Variants in RNF41 observed in about 807,000 individuals in gnomAD.
RNF41 encodes ring finger protein 41, also known as E3 ubiquitin-protein ligase NRDP1.
In RNF41, 4 loss-of-function variants were observed where a neutral mutation model predicts 33.0. The observed-to-expected ratio is 0.12, with a 90% CI of 0.06 to 0.28. RNF41 has a LOEUF of 0.28. Among genes scored for constraint, RNF41 ranks in the 10% least tolerant of loss-of-function variants. RNF41 has a pLI of 1.00. For missense variants in RNF41, 228 were observed against 432.6 expected (o/e 0.53, Z 4.19); for synonymous variants, 164 against 153.2 (o/e 1.07, Z -0.52).
At chr12:56,214,520 TAAA>T (rs35169878) in intron 2 of RNF41, among the ~76,000 whole-genome samples, 12 of 132,420 alleles carry the variant, frequency 9.1e-5, no homozygotes, top group Non-Finnish European at 7.9e-5. Context: ...CCTCAGTCTC[TAAA>T]AAAAAAAAAA....
chr12:56,213,056 G>A, intron 3 of RNF41: 2 of 1,289,668 alleles, frequency 1.6e-6, no homozygotes, highest in Non-Finnish European at 2.0e-6. Context: ...CTCTGGTCTG[G>A]CAAGGCTGGC....
At position 56,208,276 on chromosome 12, in the gene RNF41, G is replaced by A. The variant is rs776849265; in HGVS notation, c.385C>T (p.Leu129=). 6.2e-7 allele frequency: 1 copy of A among 1,614,166 alleles called. No individual in the cohort carries two copies. The highest frequency in any genetic ancestry group is 1.1e-5 in the South Asian group (1 of 91,082). The change falls in exon 5 of 7, where the codon CTG becomes TTG. Residue 129 remains leucine, a synonymous_variant. Transcript: ENST00000345093. The part of the protein sequence containing the change: ...GCGLEMPKDE[L]PNHNCIKHLR... ...TGCTTAATGCAGTTATGGTTGGGCA[G>A]CTCATCTTTGGGCATCTCCAGGCTG...
chr12:56,220,018 A>AAAATAAATAAATAAAT (rs60851148), intron 1 of RNF41, among the ~76,000 whole-genome samples: 3 of 139,298 alleles, frequency 2.2e-5, no homozygotes, highest in Non-Finnish European at 4.6e-5. Context: ...CCCTGTCTCA[A>AAAATAAATAAATAAAT]AAATAAATAA....
chr12:56,220,960 C>T (rs1212019488), intron 1 of RNF41, among the ~76,000 whole-genome samples: 1 of 152,136 alleles, frequency 6.6e-6, no homozygotes, highest in Non-Finnish European at 1.5e-5. Context: ...TTGTCAGACT[C>T]TAAAACCCCT....
Position 56,202,821 on chromosome 12 carries a change from G to C in RNF41, c.*3626C>G, listed in dbSNP as rs1468470083. 1 of 152,092 alleles carries C rather than the reference G, an allele frequency of 6.6e-6. No homozygotes were observed. Among genetic ancestry groups the C allele is most frequent in the African/African-American group, 2.4e-5 (1 of 41,420 alleles). 9.4% of individuals were successfully genotyped at this position (152,092 alleles called of 1,614,324 possible). ...GTATCTCACAGGGCAGACATTCAAT[G>C]AATATTTGTTTCTAAAAATCGTATC... On this transcript the variant is annotated 3_prime_UTR_variant, in exon 7 of 7. Transcript: ENST00000345093.
Position 56,208,001 on chromosome 12 carries a change from G to C in RNF41, c.498+162C>G. The C allele has an allele frequency of 5.9e-6, 5 of 853,112 alleles. No individual in the cohort carries two copies. The South Asian group carries it at 7.9e-5, about 14-fold the overall frequency. 52.8% of individuals were successfully genotyped at this position (853,112 alleles called of 1,614,324 possible). ...ATGGGATGAAGAAAAGTCAAGGAGA[G>C]CTCCAATCTGATTCCCTGCTAAGCC... On this transcript the variant is annotated intron_variant, in intron 5 of 6. Coordinates refer to ENST00000345093, the MANE Select transcript of RNF41 (RefSeq NM_005785.4).
chr12:56,207,052 A>T, intron 6 of RNF41: 1 of 1,277,098 alleles, frequency 7.8e-7, no homozygotes, highest in Non-Finnish European at 1.0e-6. Flanking sequence ...TCCAATACTT[A>T]GCACATATAG....
Position 56,206,444 on chromosome 12 carries a change from C to A in RNF41, c.*3G>T. 6.2e-7 allele frequency: 1 copy of A among 1,601,128 alleles called. No homozygotes were observed. Among genetic ancestry groups the A allele is most frequent in the Non-Finnish European group, 8.5e-7 (1 of 1,171,788 alleles). ...TCTCTTCCTGATAGCCAGTCGAGTT[C>A]TCTTATATCTCTTCCACGCCATGCG... is the stretch of plus-strand genomic sequence containing the variant. On this transcript the variant is annotated 3_prime_UTR_variant, in exon 7 of 7. Coordinates refer to ENST00000345093, the MANE Select transcript of RNF41 (RefSeq NM_005785.4). The surrounding 1 kb of genome is among the most constrained non-coding windows in gnomAD (Gnocchi z 5.7).
At chr12:56,211,606 T>A (rs1190076216) in intron 3 of RNF41, among the ~76,000 whole-genome samples, 1 of 151,990 alleles carries the variant, frequency 6.6e-6, no homozygotes, top group Non-Finnish European at 1.5e-5. Flanking sequence ...CAGAATTTGA[T>A]ATGGGTCTTG....
chr12:56,206,482 C>G lies in RNF41; in HGVS notation c.919G>C (p.Val307Leu). 3 of 1,613,916 alleles carry G rather than the reference C, an allele frequency of 1.9e-6. No homozygotes were observed. Among genetic ancestry groups the G allele is most frequent in the Non-Finnish European group, 2.5e-6 (3 of 1,179,856 alleles). Residue 307 changes from valine to leucine, a missense_variant, in exon 7 of 7, where the codon GTC (valine) becomes CTC (leucine). Val to Leu is a conservative substitution (Grantham distance 32). Coordinates refer to ENST00000345093, the MANE Select transcript of RNF41 (RefSeq NM_005785.4). The surrounding 1 kb of genome is among the most constrained non-coding windows in gnomAD (Gnocchi z 5.7). The part of the protein sequence containing the change: ...GDDMVQEPGL[V>L]MIFAHGVEEI ...TCCACGCCATGCGCAAATATCATGACAAGGCCTGGCTCTTGCACCATGTCA... is the reference window on the plus strand; with the variant it reads ...TCCACGCCATGCGCAAATATCATGAGAAGGCCTGGCTCTTGCACCATGTCA...
chr12:56,208,199 C>T lies in RNF41; in HGVS notation c.462G>A (p.Lys154=), dbSNP rs1460682436. 2 of 1,614,238 alleles carry T rather than the reference C, an allele frequency of 1.2e-6. No individual in the cohort carries two copies. Among genetic ancestry groups the T allele is most frequent in the East Asian group, 2.2e-5 (1 of 44,892 alleles). Residue 154 remains lysine (K), a synonymous_variant, in exon 5 of 7, where the codon AAG becomes AAA. Coordinates refer to ENST00000345093, the MANE Select transcript of RNF41 (RefSeq NM_005785.4). ...QQQTRIAELE[K]TSAEHKHQLA... is the part of the protein sequence containing the mutation. Reference sequence around the variant, plus strand: ...GCTGGTGTTTGTGTTCAGCTGACGTCTTCTCCAGCTCTGCGATGCGTGTCT... The same window carrying T: ...GCTGGTGTTTGTGTTCAGCTGACGTTTTCTCCAGCTCTGCGATGCGTGTCT...
At chr12:56,209,457 ATT>A (rs60545688) in intron 4 of RNF41, among the ~76,000 whole-genome samples, 22 of 124,646 alleles carry the variant, frequency 1.8e-4, no homozygotes, top group Admixed American at 3.2e-4. Flanking sequence ...CACTTGGCTA[ATT>A]TTTTTTTTTT....
At chr12:56,215,941 G>T (rs1868856929) in intron 2 of RNF41, among the ~76,000 whole-genome samples, 1 of 151,816 alleles carries the variant, frequency 6.6e-6, no homozygotes, top group Admixed American at 6.6e-5. Flanking sequence ...GGCCAACATG[G>T]TGAAACCCCA....
At chr12:56,211,844 T>C (rs1592353680) in intron 3 of RNF41, among the ~76,000 whole-genome samples, 1 of 151,830 alleles carries the variant, frequency 6.6e-6, no homozygotes, top group Admixed American at 6.6e-5. Flanking sequence ...TGGTGGCGGG[T>C]GCCTGTAGTC....
chr12:56,209,480 C>T (rs1184255587), intron 4 of RNF41, among the ~76,000 whole-genome samples: 4 of 143,228 alleles, frequency 2.8e-5, no homozygotes, highest in East Asian at 4.1e-4. Context: ...TTTTTTGAGA[C>T]GGAGTCTCGC....
chr12:56,205,570 G>T lies in RNF41; in HGVS notation c.*877C>A, dbSNP rs901605679. ...GATCAGGCCATTCTTAAAAAAAAGA[G>T]GGGGGGGGGCAGTAGGTGGAGTTTG... On this transcript the variant is annotated 3_prime_UTR_variant, in exon 7 of 7. Transcript: ENST00000345093. 1 of 108,122 alleles carries T rather than the reference G, an allele frequency of 9.2e-6. No individual in the cohort carries two copies. Among genetic ancestry groups the T allele is most frequent in the Non-Finnish European group, 2.0e-5 (1 of 50,100 alleles). 6.7% of individuals were successfully genotyped at this position (108,122 alleles called of 1,614,324 possible). A position where few individuals can be genotyped will look rare whatever the true frequency, so the allele number is the denominator to read the frequency against.
chr12:56,215,472 G>C (rs2135811727), intron 2 of RNF41, among the ~76,000 whole-genome samples: 1 of 152,202 alleles, frequency 6.6e-6, no homozygotes, highest in Admixed American at 6.5e-5. Flanking sequence ...TGTAATCCCA[G>C]CACTTTGGGA....
intron 4 of RNF41, chr12:56,209,952 T>G: frequency 3.5e-6 from 1 of 281,720 alleles, no homozygotes; most frequent in Non-Finnish European, 6.9e-6. Flanking sequence ...AATAAAAAAA[T>G]AGGGCAAGAG....
At position 56,206,323 on chromosome 12, in the gene RNF41, A is replaced by G; in HGVS notation, c.*124T>C. 1 of 844,652 alleles carries G rather than the reference A, an allele frequency of 1.2e-6. No individual in the cohort carries two copies. The highest frequency in any genetic ancestry group is 1.9e-6 in the Non-Finnish European group (1 of 534,376). 52.3% of individuals were successfully genotyped at this position (844,652 alleles called of 1,614,324 possible). ...CAAGGCCCTTCAGTGCCAGAAGGGCAGGGAGATGTGTGGCTCAGGTATAAG... is the reference window on the plus strand; with the variant it reads ...CAAGGCCCTTCAGTGCCAGAAGGGCGGGGAGATGTGTGGCTCAGGTATAAG... On this transcript the variant is annotated 3_prime_UTR_variant, in exon 7 of 7. Transcript: ENST00000345093. This position sits in a 1 kb window ranked among gnomAD's most constrained non-coding sequence, Gnocchi z 5.7.
Sources: gnomAD v4.1 joint callset for allele counts (sites outside exome capture counted in the v4.1 genomes callset) on GRCh38, gnomAD v4.1.1 for gene constraint, Gnocchi (gnomAD v3.1) non-coding constraint, MANE v1.5 for transcripts, NCBI Gene and HGNC (gene_info 2026-07-23, HGNC 2026-07-21) for gene names.